FAM177A1: variants seen among roughly 807,000 people sequenced by gnomAD.
The protein encoded by FAM177A1 is family with sequence similarity 177 member A1.
FAM177A1 carries 22 observed loss-of-function variants against 26.1 expected under a neutral mutation model. That is an observed-to-expected ratio of 0.84 (90% CI 0.60 to 1.20). FAM177A1 has a LOEUF of 1.20. FAM177A1 is among the 50% of genes most tolerant of loss of function. FAM177A1 has a pLI of 0.00. For missense variants in FAM177A1, 296 were observed against 291.1 expected (o/e 1.02, Z -0.12); for synonymous variants, 95 against 99.3 (o/e 0.96, Z 0.26).
rs910805644 is a variant in FAM177A1, at chr14:35,081,691, A to G, written c.*463A>G. The G allele has an allele frequency of 6.6e-5, 10 of 152,654 alleles. No individual in the cohort carries two copies. The allele number at this position is 152,654 out of a possible 1,614,324, so 9.5% of individuals were successfully genotyped here. A position where few individuals can be genotyped will look rare whatever the true frequency, so the allele number is the denominator to read the frequency against. On this transcript the variant is annotated 3_prime_UTR_variant, in exon 5 of 5. Coordinates refer to ENST00000280987, the MANE Select transcript of FAM177A1 (RefSeq NM_173607.5). ...TCTAACCATTAATTTCACACTAAGGATGCTTCACCATATAATAAAAGGAGC... is the reference window on the plus strand; with the variant it reads ...TCTAACCATTAATTTCACACTAAGGGTGCTTCACCATATAATAAAAGGAGC...
At chr14:35,079,337 G>T (rs1172945548) in intron 4 of FAM177A1, among the ~76,000 whole-genome samples, 1 of 152,110 alleles carries the variant, frequency 6.6e-6, no homozygotes, top group African/African-American at 2.4e-5. Context: ...CTAAGATGAA[G>T]AAACAAGATA....
chr14:35,056,594 AATG>A (rs370684534), intron 2 of FAM177A1, among the ~76,000 whole-genome samples: 33 of 152,012 alleles, frequency 2.2e-4, no homozygotes, highest in African/African-American at 7.5e-4. Flanking sequence ...CCTGACCTCA[AATG>A]ATCCCCTGTC....
chr14:35,060,600 ATTG>A (rs2045136675), intron 2 of FAM177A1, among the ~76,000 whole-genome samples: 1 of 151,890 alleles, frequency 6.6e-6, no homozygotes, highest in Non-Finnish European at 1.5e-5. Context: ...ATATCTTGTC[ATTG>A]TTATTTGCCT....
At chr14:35,050,657 G>A (rs916889845) in intron 1 of FAM177A1, 1 of 152,172 alleles carries the variant, frequency 6.6e-6, no homozygotes, top group African/African-American at 2.4e-5. Flanking sequence ...GGTGGGGCAT[G>A]GTGGTATACT....
chr14:35,080,789 C>CA lies in FAM177A1; in HGVS notation c.505-225dup, dbSNP rs1019124575. Among the ~76,000 whole-genome samples the CA allele has an allele frequency of 1.3e-3, 196 of 150,482 alleles. 1 individual carries two copies. The highest frequency in any genetic ancestry group is 4.1e-3 in the African/African-American group (168 of 41,056). On this transcript the variant is annotated intron_variant, in intron 4 of 4. Coordinates refer to ENST00000280987, the MANE Select transcript of FAM177A1 (RefSeq NM_173607.5). ...TGGGTGACAGAGCAATACTCTTTCT[C>CA]AAAAAAAACAAACAACAAGAAAAAA...
chr14:35,056,828 A>C (rs2045069114), intron 2 of FAM177A1, among the ~76,000 whole-genome samples: 1 of 152,050 alleles, frequency 6.6e-6, no homozygotes, highest in Non-Finnish European at 1.5e-5. Context: ...GAATTTGTCC[A>C]TTTTATCTGT....
intron 2 of FAM177A1, among the ~76,000 whole-genome samples, chr14:35,064,867 T>C (rs799490): frequency 0.21 from 31,861 of 152,098 alleles, 4,025 homozygotes; most frequent in Non-Finnish European, 0.29. Context: ...TTAGCCAGGA[T>C]GGTCTCGATC....
intron 4 of FAM177A1, among the ~76,000 whole-genome samples, 157 bp downstream of exon 4, chr14:35,079,181 A>G (rs2045442374): frequency 6.6e-6 from 1 of 152,194 alleles, no homozygotes; most frequent in Admixed American, 6.5e-5. Context: ...TCAAAGTAAC[A>G]TACATTTTGG....
In FAM177A1 at chr14:35,082,166, C is replaced by A. The variant is rs550649190; in HGVS notation, c.*938C>A. 2.0e-5 allele frequency: 3 copies of A among 152,266 alleles called. No homozygotes were observed. In the South Asian group the frequency reaches 6.2e-4, roughly 32 times the overall value. 9.4% of individuals were successfully genotyped at this position (152,266 alleles called of 1,614,324 possible). Reference sequence around the variant, plus strand: ...ATCTGGTTGGCCACTCCTCTACCTACTTGGTTATTTGTAAACCTTACAAAT... The same window carrying A: ...ATCTGGTTGGCCACTCCTCTACCTAATTGGTTATTTGTAAACCTTACAAAT... On this transcript the variant is annotated 3_prime_UTR_variant, in exon 5 of 5. Coordinates refer to ENST00000280987, the MANE Select transcript of FAM177A1 (RefSeq NM_173607.5).
At chr14:35,080,777 A>G (rs2045468836) in intron 4 of FAM177A1, among the ~76,000 whole-genome samples, 1 of 152,134 alleles carries the variant, frequency 6.6e-6, no homozygotes, top group Non-Finnish European at 1.5e-5. Context: ...GTGACAGAGC[A>G]ATACTCTTTC....
intron 2 of FAM177A1, among the ~76,000 whole-genome samples, chr14:35,069,153 C>T (rs147596868): frequency 1.8e-3 from 269 of 152,198 alleles, no homozygotes; most frequent in African/African-American, 6.2e-3. Context: ...GTAGATAATA[C>T]CCTATTAGCC....
intron 1 of FAM177A1, among the ~76,000 whole-genome samples, chr14:35,049,809 G>A (rs2044934879): frequency 6.6e-6 from 1 of 152,060 alleles, no homozygotes; most frequent in Non-Finnish European, 1.5e-5. Flanking sequence ...CAGATCCTGA[G>A]AATAAAGATA....
intron 3 of FAM177A1, among the ~76,000 whole-genome samples, chr14:35,078,610 C>T (rs1031000793): frequency 2.0e-5 from 3 of 152,156 alleles, no homozygotes; most frequent in Non-Finnish European, 2.9e-5. Context: ...CCTCAGCCTC[C>T]CAAAGTGCTG....
chr14:35,053,482 G>T (rs1273132861), intron 2 of FAM177A1, 31 bp downstream of exon 2: 1 of 1,605,092 alleles, frequency 6.2e-7, no homozygotes, highest in Non-Finnish European at 8.5e-7. Context: ...TCTTTCCTCA[G>T]TGGGCTTTGT....
intron 2 of FAM177A1, among the ~76,000 whole-genome samples, chr14:35,055,507 C>T (rs2045047990): frequency 6.7e-6 from 1 of 150,148 alleles, no homozygotes; most frequent in Non-Finnish European, 1.5e-5. Context: ...AATCTTGGCT[C>T]ACTGAAGCCT....
At chr14:35,049,076 A>G (rs1297699126) in intron 1 of FAM177A1, among the ~76,000 whole-genome samples, 2 of 152,016 alleles carry the variant, frequency 1.3e-5, no homozygotes, top group Admixed American at 1.3e-4. Flanking sequence ...TTTTTAGTAG[A>G]GGTGGGGTTT....
chr14:35,045,253 C>T (rs972026234), upstream of FAM177A1: 1 of 152,140 alleles, frequency 6.6e-6, no homozygotes, highest in African/African-American at 2.4e-5. Flanking sequence ...GGATAGAGAG[C>T]AATATGGATT....
At chr14:35,051,277 G>A (rs564579942) in intron 1 of FAM177A1, among the ~76,000 whole-genome samples, 3 of 151,982 alleles carry the variant, frequency 2.0e-5, no homozygotes, top group South Asian at 2.1e-4. Context: ...GTGCCACCAC[G>A]CCCAGCTAAT....
At position 35,046,638 on chromosome 14, in the gene FAM177A1, G is replaced by C. The variant is rs1288540345; in HGVS notation, c.165+10G>C. The C allele has an allele frequency of 1.3e-6, 2 of 1,526,102 alleles. No homozygotes were observed. Among genetic ancestry groups the C allele is most frequent in the Non-Finnish European group, 1.8e-6 (2 of 1,133,372 alleles). The allele number at this position is 1,526,102 out of a possible 1,614,324, so 94.5% of individuals were successfully genotyped here. ...GGAATCTGCAGGGCAGGTAGGTGGG[G>C]CCGCCGAGGCTGACGTCCGGGGAGC... On this transcript the variant is annotated intron_variant, in intron 1 of 4. Transcript: ENST00000280987.
Sources: allele counts gnomAD v4.1 joint callset (sites outside exome capture counted in the v4.1 genomes callset), GRCh38; gene constraint gnomAD v4.1.1; transcripts MANE v1.5; gene names NCBI Gene and HGNC (gene_info 2026-07-23, HGNC 2026-07-21).